Variants in LDB3 observed in about 807,000 individuals in gnomAD.
LDB3 encodes the protein LIM domain-binding protein 3.
A neutral mutation model predicts 69.0 loss-of-function variants in LDB3; 49 were observed. That is an observed-to-expected ratio of 0.71 (90% CI 0.56 to 0.90). The LOEUF (loss-of-function observed/expected upper bound fraction) is 0.90, where lower values mean the gene tolerates loss of function less well. LDB3 is among the 40% of genes least tolerant of loss of function. The pLI is 0.00. For synonymous variants in LDB3, 387 were observed against 396.2 expected, an observed-to-expected ratio of 0.98 and a Z score of 0.28; for missense variants, 928 against 974.1, an observed-to-expected ratio of 0.95 and a Z score of 0.63.
Position 86,736,059 on chromosome 10 carries a change from G to T in LDB3, c.*3083G>T, listed in dbSNP as rs1847621304. 1 of 151,888 alleles carries T rather than the reference G, an allele frequency of 6.6e-6. No individual in the cohort carries two copies. The highest frequency in any genetic ancestry group is 2.4e-5 in the African/African-American group (1 of 41,370). The allele number at this position is 151,888 out of a possible 1,614,324, so 9.4% of individuals were successfully genotyped here. A position where few individuals can be genotyped will look rare whatever the true frequency, so the allele number is the denominator to read the frequency against. On this transcript the variant is annotated 3_prime_UTR_variant, in exon 14 of 14. Coordinates refer to ENST00000361373, the MANE Select transcript of LDB3 (RefSeq NM_007078.3). The stretch of plus-strand genomic sequence containing the variant: ...TTAGCAAAAATAAAGCCCCCCAAAG[G>T]ATGTGCAAATACAGATTTTTCTGTG...
chr10:86,718,125 G>T lies in LDB3; in HGVS notation c.1838G>T (p.Cys613Phe). ...TTCTTTGCCCCGCTGTGTGCCAAGT[G>T]CAACACCAAAATTATGGGGGTAAGT... The part of the protein sequence containing the change: ...EQFFAPLCAK[C>F]NTKIMGEVMH... The change falls in exon 11 of 14, where the codon TGC becomes TTC. Residue 613 changes from cysteine to phenylalanine, a missense_variant. By Grantham distance (205) the Cys-to-Phe change is radical. Coordinates refer to ENST00000361373, the MANE Select transcript of LDB3 (RefSeq NM_007078.3). 1 of 1,614,154 alleles carries T rather than the reference G, an allele frequency of 6.2e-7. No homozygotes were observed. Among genetic ancestry groups the T allele is most frequent in the Non-Finnish European group, 8.5e-7 (1 of 1,180,028 alleles).
chr10:86,710,323 C>T lies in LDB3; in HGVS notation c.1231+273C>T, dbSNP rs985631876. On this transcript the variant is annotated intron_variant, in intron 9 of 13. Transcript: ENST00000361373. ...GTCTTCTCCGGACCGGGCATGGTGG[C>T]TCACACTTGGAATCCCAGCACTTTG... 8 of 927,372 alleles carry T rather than the reference C, an allele frequency of 8.6e-6. No individual in the cohort carries two copies. The African/African-American group carries it at 1.4e-4, about 17-fold the overall frequency. 57.4% of individuals were successfully genotyped at this position (927,372 alleles called of 1,614,324 possible). A position where few individuals can be genotyped will look rare whatever the true frequency, so the allele number is the denominator to read the frequency against.
chr10:86,732,056 G>A (rs1236749381), intron 13 of LDB3, among the ~76,000 whole-genome samples: 5 of 147,344 alleles, frequency 3.4e-5, no homozygotes, highest in Non-Finnish European at 7.4e-5. Context: ...TGTTGCCCAG[G>A]CTGGTCTCAA....
intron 2 of LDB3, among the ~76,000 whole-genome samples, chr10:86,671,519 C>T (rs1329574320): frequency 6.6e-6 from 1 of 152,018 alleles, no homozygotes; most frequent in Non-Finnish European, 1.5e-5. Context: ...GGGGAAATGC[C>T]TTTATTTATC....
chr10:86,707,730 C>T (rs1846496408), intron 8 of LDB3, among the ~76,000 whole-genome samples: 2 of 152,090 alleles, frequency 1.3e-5, no homozygotes, highest in South Asian at 4.2e-4. Flanking sequence ...GTGAGCAAAC[C>T]GGCTTGCAGG....
At chr10:86,711,139 G>A (rs1339589553) in intron 9 of LDB3, among the ~76,000 whole-genome samples, 1 of 152,226 alleles carries the variant, frequency 6.6e-6, no homozygotes, top group African/African-American at 2.4e-5. Flanking sequence ...GAGAGGAGTT[G>A]GAGGAGAAGC....
chr10:86,700,721 C>T (rs757332989), intron 7 of LDB3, among the ~76,000 whole-genome samples: 1 of 152,202 alleles, frequency 6.6e-6, no homozygotes, highest in Non-Finnish European at 1.5e-5. Context: ...AGATCCCAGC[C>T]AGGCCTCAGG....
intron 2 of LDB3, among the ~76,000 whole-genome samples, chr10:86,676,933 C>T (rs1048106845): frequency 1.6e-4 from 25 of 152,242 alleles, no homozygotes; most frequent in Non-Finnish European, 1.5e-5. Context: ...TCCCCAGAGC[C>T]TCTCTGGGCT....
At chr10:86,717,453 C>G (rs1161081409) in intron 10 of LDB3, among the ~76,000 whole-genome samples, 2 of 152,198 alleles carry the variant, frequency 1.3e-5, no homozygotes, top group Non-Finnish European at 2.9e-5. Flanking sequence ...CTAGACAATA[C>G]AAGTTTGTAT....
At chr10:86,691,660 T>C (rs1845767481) in intron 5 of LDB3, among the ~76,000 whole-genome samples, 1 of 147,836 alleles carries the variant, frequency 6.8e-6, no homozygotes, top group African/African-American at 2.6e-5. Context: ...AGGGCAGACC[T>C]GAGGGATCTG....
intron 7 of LDB3, among the ~76,000 whole-genome samples, chr10:86,705,689 T>C (rs1245019212): frequency 6.6e-6 from 1 of 152,192 alleles, no homozygotes; most frequent in Non-Finnish European, 1.5e-5. Context: ...ACACTGGCAG[T>C]GTGGTCGCCT....
intron 13 of LDB3, among the ~76,000 whole-genome samples, chr10:86,728,586 G>GTGTTTTTTTTTGTT (rs1554868915): frequency 7.6e-6 from 1 of 131,456 alleles, no homozygotes; most frequent in African/African-American, 2.8e-5. Flanking sequence ...TGGTTCTTTT[G>GTGTTTTTTTTTGTT]TTTTTTTTTT....
In LDB3 at chr10:86,709,999, A is replaced by G. The variant is rs1323526603; in HGVS notation, c.1180A>G (p.Lys394Glu). 9.9e-6 allele frequency: 16 copies of G among 1,613,188 alleles called. No individual in the cohort carries two copies. Among genetic ancestry groups the G allele is most frequent in the Non-Finnish European group, 1.3e-5 (15 of 1,179,994 alleles). The part of the protein sequence containing the change: ...YSEGPAAPAP[K>E]PRVVTTASIR... ...TGAGGGCCCCGCCGCCCCTGCACCC[A>G]AGCCCCGGGTTGTCACCACTGCCAG... The change falls in exon 9 of 14, where the codon AAG becomes GAG. Residue 394 changes from lysine to glutamate, a missense_variant. Lys to Glu is a moderately conservative substitution (Grantham distance 56, BLOSUM62 1). Coordinates refer to ENST00000361373, the MANE Select transcript of LDB3 (RefSeq NM_007078.3).
rs371706056 is a variant in LDB3 at position 86,691,876 on chromosome 10, G to C, written c.690-20G>C. 1 of 1,613,916 alleles carries C rather than the reference G, an allele frequency of 6.2e-7. No individual in the cohort carries two copies. On this transcript the variant is annotated intron_variant, in intron 5 of 13. Transcript: ENST00000361373. ...GGGCTCCAGCCTAGCCCTCGCCCAC[G>C]GCCTCTCTCTGCATTACAGGAGCCT...
intron 7 of LDB3, among the ~76,000 whole-genome samples, chr10:86,697,690 A>C (rs1846072514): frequency 6.6e-6 from 1 of 150,386 alleles, no homozygotes; most frequent in African/African-American, 2.5e-5. Context: ...AGTAGCTGGG[A>C]CTACAAGCGC....
chr10:86,679,978 TGA>T (rs2132363080), intron 3 of LDB3, 102 bp from the exon 4 acceptor site: 1 of 1,004,842 alleles, frequency 1.0e-6, no homozygotes, highest in South Asian at 1.3e-5. Flanking sequence ...CTCTGAGAGC[TGA>T]CTCTGGCTCT....
intron 5 of LDB3, chr10:86,687,019 GC>G (rs1564639102): frequency 1.1e-5 from 17 of 1,572,178 alleles, no homozygotes; most frequent in Non-Finnish European, 1.5e-5. Context: ...GCCACCTGTT[GC>G]CCTTTTCTCC....
At chr10:86,688,081 G>GTGTGTGTA (rs765308187) in intron 5 of LDB3, among the ~76,000 whole-genome samples, 2 of 136,102 alleles carry the variant, frequency 1.5e-5, no homozygotes, top group East Asian at 5.7e-4. Flanking sequence ...GTGTGTGTGT[G>GTGTGTGTA]TGTATGTGTC....
At chr10:86,690,320 C>T (rs1845695932) in intron 5 of LDB3, among the ~76,000 whole-genome samples, 2 of 152,202 alleles carry the variant, frequency 1.3e-5, no homozygotes, top group Non-Finnish European at 2.9e-5. Context: ...ACCTTAGGAA[C>T]GCCTGGGACT....
Sources: gnomAD v4.1 joint callset for allele counts (sites outside exome capture counted in the v4.1 genomes callset) on GRCh38, gnomAD v4.1.1 for gene constraint, MANE v1.5 for transcripts, NCBI Gene and HGNC (gene_info 2026-07-23, HGNC 2026-07-21) for gene names.